Variants in SHQ1 observed in about 807,000 individuals in gnomAD.
SHQ1 encodes SHQ1, H/ACA ribonucleoprotein assembly factor.
In SHQ1, 49 loss-of-function variants were observed where a neutral mutation model predicts 53.8. That is an observed-to-expected ratio of 0.91 (90% CI 0.72 to 1.16). SHQ1 has a LOEUF of 1.16. SHQ1 is among the 50% of genes most tolerant of loss of function. The pLI, the probability that SHQ1 is intolerant of heterozygous loss-of-function variation, is 0.00. For missense variants in SHQ1, 738 were observed against 683.1 expected, an observed-to-expected ratio of 1.08 and a Z score of -0.90; for synonymous variants, 243 against 251.0, an observed-to-expected ratio of 0.97 and a Z score of 0.30.
chr3:72,837,249 G>C (rs914502908), intron 4 of SHQ1, among the ~76,000 whole-genome samples: 6 of 152,216 alleles, frequency 3.9e-5, no homozygotes, highest in Non-Finnish European at 5.9e-5. Flanking sequence ...TCTGGGTATG[G>C]GGAGTGGAGG....
chr3:72,817,547 G>A (rs1707355620), intron 6 of SHQ1, among the ~76,000 whole-genome samples, 163 bp from the exon 7 acceptor site: 1 of 152,150 alleles, frequency 6.6e-6, no homozygotes, highest in Admixed American at 6.5e-5. Flanking sequence ...CACAGTTTTA[G>A]TAAGAGCTAT....
rs199763528 is a variant in SHQ1, at chr3:72,830,374, TATACA to T, written c.599+1990_599+1994del. 4.5e-3 allele frequency among the ~76,000 whole-genome samples: 687 copies of T among 152,178 alleles called. 6 individuals carry two copies. The highest frequency in any genetic ancestry group is 0.015 in the African/African-American group (629 of 41,552). The stretch of plus-strand genomic sequence containing the variant: ...AATAGGTAATATTATGCTAATCTTA[TATACA>T]TTATTATGCTAATATTATATACATT... On this transcript the variant is annotated intron_variant, in intron 5 of 10. Transcript: ENST00000325599.
chr3:72,772,444 G>A, intron 10 of SHQ1: 3 of 417,062 alleles, frequency 7.2e-6, no homozygotes, highest in South Asian at 6.2e-5. Flanking sequence ...TCAAAGATGA[G>A]ATTGTCAGAT....
At chr3:72,775,208 G>A (rs1415784293) in intron 10 of SHQ1, among the ~76,000 whole-genome samples, 1 of 151,894 alleles carries the variant, frequency 6.6e-6, no homozygotes, top group Admixed American at 6.6e-5. Context: ...AAAACAAAGA[G>A]AGAGACAGCA....
chr3:72,760,971 T>G (rs1705597482), intron 10 of SHQ1, among the ~76,000 whole-genome samples: 2 of 152,184 alleles, frequency 1.3e-5, no homozygotes, highest in Admixed American at 1.3e-4. Context: ...AGGTTTCTTA[T>G]AATTAGATCG....
At chr3:72,790,735 GA>G (rs1706407596) in intron 10 of SHQ1, among the ~76,000 whole-genome samples, 2 of 151,946 alleles carry the variant, frequency 1.3e-5, no homozygotes, top group South Asian at 2.1e-4. Context: ...TCAAAAGAGA[GA>G]AAAAAATAGC....
intron 4 of SHQ1, among the ~76,000 whole-genome samples, chr3:72,833,877 A>C (rs1353326670): frequency 2.0e-5 from 3 of 152,240 alleles, no homozygotes; most frequent in African/African-American, 7.2e-5. Flanking sequence ...TACCAACCAC[A>C]AGTGAGAAGT....
the SHQ1 span, among the ~76,000 whole-genome samples, chr3:72,742,258 AAC>A: frequency 1.3e-5 from 2 of 152,154 alleles, no homozygotes; most frequent in African/African-American, 4.8e-5. Flanking sequence ...ATGCTGCTAT[AAC>A]ACAACAGAGG....
chr3:72,787,397 T>G (rs1706266111), intron 10 of SHQ1, among the ~76,000 whole-genome samples: 1 of 152,206 alleles, frequency 6.6e-6, no homozygotes. Context: ...ATTTTAGATT[T>G]TAGTTTCATT....
At chr3:72,791,708 G>C (rs1005880946) in intron 10 of SHQ1, among the ~76,000 whole-genome samples, 1 of 151,686 alleles carries the variant, frequency 6.6e-6, no homozygotes, top group African/African-American at 2.4e-5. Context: ...TCCCTTTATA[G>C]GTTTTTTGTT....
intron 9 of SHQ1, chr3:72,794,006 G>A (rs551944332): frequency 2.0e-4 from 30 of 152,146 alleles, no homozygotes; most frequent in African/African-American, 6.5e-4. Context: ...TTCCCTAGGT[G>A]TTCCAAACTT....
chr3:72,837,413 A>T, intron 4 of SHQ1, among the ~76,000 whole-genome samples: 1 of 152,218 alleles, frequency 6.6e-6, no homozygotes, highest in East Asian at 1.9e-4. Context: ...TTCAATGAAG[A>T]AAAGATCCCT....
the SHQ1 span, among the ~76,000 whole-genome samples, chr3:72,738,524 T>A: frequency 1.2e-4 from 19 of 152,194 alleles, 1 homozygote; most frequent in South Asian, 2.5e-3. Context: ...TCGCGCCAAT[T>A]TCATCAGCTT....
At chr3:72,745,534 A>G (rs937439581), downstream of SHQ1, among the ~76,000 whole-genome samples, 3 of 152,176 alleles carry the variant, frequency 2.0e-5, no homozygotes, top group Non-Finnish European at 4.4e-5. Context: ...TAATATTTCT[A>G]TCTAATCTGC....
intron 10 of SHQ1, among the ~76,000 whole-genome samples, chr3:72,788,634 G>T (rs1181775794): frequency 6.6e-6 from 1 of 152,242 alleles, no homozygotes; most frequent in Non-Finnish European, 1.5e-5. Flanking sequence ...TTGTCGAACA[G>T]AAAAGGGGGA....
chr3:72,744,034 G>T, the SHQ1 span, among the ~76,000 whole-genome samples: 2 of 152,174 alleles, frequency 1.3e-5, no homozygotes, highest in Non-Finnish European at 2.9e-5. Context: ...AAAACACAAA[G>T]CATGTAGGGG....
intron 10 of SHQ1, among the ~76,000 whole-genome samples, chr3:72,770,111 C>T (rs1325514364): frequency 6.6e-6 from 1 of 152,228 alleles, no homozygotes; most frequent in East Asian, 1.9e-4. Context: ...TCAGCCAATG[C>T]TATTGTTAAA....
intron 4 of SHQ1, among the ~76,000 whole-genome samples, chr3:72,836,812 T>C (rs1708013539): frequency 1.3e-5 from 2 of 152,196 alleles, no homozygotes; most frequent in African/African-American, 2.4e-5. Flanking sequence ...TTTTAAACAA[T>C]TGCTATGGCC....
chr3:72,838,470 A>G (rs1243685227), intron 4 of SHQ1, among the ~76,000 whole-genome samples: 1 of 152,220 alleles, frequency 6.6e-6, no homozygotes, highest in Non-Finnish European at 1.5e-5. Flanking sequence ...AAAGCTTAGA[A>G]TAATAAACAT....
Sources: gnomAD v4.1 joint callset for allele counts (sites outside exome capture counted in the v4.1 genomes callset) on GRCh38, gnomAD v4.1.1 for gene constraint, MANE v1.5 for transcripts, NCBI Gene and HGNC (gene_info 2026-07-23, HGNC 2026-07-21) for gene names.